The following ESRRG variants were observed in gnomAD, a reference collection of about 807,000 sequenced individuals.
ESRRG encodes the protein estrogen-related receptor gamma.
In ESRRG, 13 loss-of-function variants were observed where a neutral mutation model predicts 44.0. The observed-to-expected ratio is 0.30, with a 90% CI of 0.19 to 0.47. ESRRG has a LOEUF of 0.47. Ranked by LOEUF, ESRRG falls within the 20% of genes least tolerant of loss-of-function variation. ESRRG has a pLI of 1.00. For missense variants in ESRRG, 395 were observed against 580.6 expected (o/e 0.68, Z 3.29); for synonymous variants, 215 against 214.6 (o/e 1.00, Z -0.02).
At chr1:216,585,900 C>T (rs6665792) in intron 3 of ESRRG, among the ~76,000 whole-genome samples, 4,139 of 151,988 alleles carry the variant, frequency 0.027, 194 homozygotes, top group African/African-American at 0.095. Context: ...ATTAGCCAGG[C>T]GTGGTTGTGG....
intron 3 of ESRRG, among the ~76,000 whole-genome samples, chr1:216,615,211 T>C (rs2061254187): frequency 6.6e-6 from 1 of 152,166 alleles, no homozygotes; most frequent in Non-Finnish European, 1.5e-5. Flanking sequence ...CAAAAGACTT[T>C]TGTTGACCAC....
At chr1:216,605,749 T>C (rs980624878) in intron 3 of ESRRG, among the ~76,000 whole-genome samples, 87 of 151,898 alleles carry the variant, frequency 5.7e-4, no homozygotes, top group Admixed American at 5.2e-4. Context: ...TGAGGATCAA[T>C]CATTAGAGGA....
chr1:217,058,058 T>A lies in ESRRG; in HGVS notation c.-106+31449A>T, dbSNP rs72741485. Among the ~76,000 whole-genome samples the A allele has an allele frequency of 5.6e-3, 847 of 152,150 alleles. 4 individuals are homozygous for A. Among genetic ancestry groups the A allele is most frequent in the Non-Finnish European group, 9.4e-3 (642 of 67,980 alleles). On this transcript the variant is annotated intron_variant, in intron 1 of 7. Coordinates refer to the ESRRG transcript ENST00000359162. ...CTAATAACTATAATTCAAGAAAATG[T>A]CCTGAAGTACAAAAAAATTGAAATG...
intron 1 of ESRRG, among the ~76,000 whole-genome samples, chr1:216,992,512 C>T (rs1289531193): frequency 6.6e-6 from 1 of 152,146 alleles, no homozygotes; most frequent in Non-Finnish European, 1.5e-5. Context: ...TAGTGCCTGA[C>T]ATAAAGTAAA....
chr1:216,568,778 C>A (rs946596495), intron 3 of ESRRG, among the ~76,000 whole-genome samples: 1 of 152,102 alleles, frequency 6.6e-6, no homozygotes, highest in Admixed American at 6.5e-5. Flanking sequence ...CCTAGCCGGG[C>A]GCAGTGGCTC....
At chr1:216,539,258 G>T (rs983890787) in intron 5 of ESRRG, among the ~76,000 whole-genome samples, 2 of 151,464 alleles carry the variant, frequency 1.3e-5, no homozygotes, top group African/African-American at 2.4e-5. Flanking sequence ...AAATATATTT[G>T]CTGACAATTT....
At chr1:216,586,309 T>C (rs931726861) in intron 3 of ESRRG, among the ~76,000 whole-genome samples, 1 of 152,134 alleles carries the variant, frequency 6.6e-6, no homozygotes, top group Non-Finnish European at 1.5e-5. Context: ...ACTTCTACAA[T>C]ATTTCAAAAT....
intron 2 of ESRRG, among the ~76,000 whole-genome samples, chr1:216,730,272 T>C (rs980013048): frequency 2.5e-5 from 3 of 117,724 alleles, no homozygotes; most frequent in Admixed American, 1.0e-4. Flanking sequence ...GTAAACCAAA[T>C]GGTCCTCTAC....
chr1:216,790,593 A>T (rs768655086), intron 2 of ESRRG, among the ~76,000 whole-genome samples: 1 of 152,198 alleles, frequency 6.6e-6, no homozygotes, highest in Admixed American at 6.5e-5. Context: ...GGAAAAAATC[A>T]TGGTGTAAGA....
chr1:216,770,149 G>T (rs2093320375), intron 2 of ESRRG, among the ~76,000 whole-genome samples: 2 of 152,022 alleles, frequency 1.3e-5, no homozygotes, highest in Non-Finnish European at 2.9e-5. Context: ...ACCCAATTTG[G>T]CAATAGGAAA....
chr1:216,534,471 CAT>C lies in ESRRG; in HGVS notation c.863-15052_863-15051del, dbSNP rs1407941878. Among the ~76,000 whole-genome samples, 15 of 152,120 alleles carry C rather than the reference CAT, an allele frequency of 9.9e-5. 1 individual carries two copies. The highest frequency in any genetic ancestry group is 5.9e-4 in the Admixed American group (9 of 15,264). On this transcript the variant is annotated intron_variant, in intron 5 of 6. Transcript: ENST00000408911. ...CTCTGAGACAAATTCGATTATAGCT[CAT>C]GAGTATCTCTTTCATGGATATTAAT...
In ESRRG at chr1:216,504,200, A is replaced by G. The variant is rs546876629; in HGVS notation, c.*2739T>C. The stretch of plus-strand genomic sequence containing the variant: ...ACAGTGAAAACAATGTATATATTGT[A>G]TATATTTTATTTATATATAGTGTAG... On this transcript the variant is annotated 3_prime_UTR_variant, in exon 7 of 7. Coordinates refer to ENST00000408911, the MANE Select transcript of ESRRG (RefSeq NM_001438.4). 1.3e-5 allele frequency: 2 copies of G among 152,266 alleles called. No individual in the cohort carries two copies. The highest frequency in any genetic ancestry group is 6.5e-5 in the Admixed American group (1 of 15,292). The allele number at this position is 152,266 out of a possible 1,614,324, so 9.4% of individuals were successfully genotyped here.
At chr1:216,875,951 A>T (rs1386478371) in intron 2 of ESRRG, among the ~76,000 whole-genome samples, 2 of 152,194 alleles carry the variant, frequency 1.3e-5, no homozygotes, top group African/African-American at 4.8e-5. Flanking sequence ...AAATATCATC[A>T]TCTAGAATGG....
intron 1 of ESRRG, among the ~76,000 whole-genome samples, chr1:217,057,848 T>C (rs2087460621): frequency 6.6e-6 from 1 of 152,168 alleles, no homozygotes; most frequent in Admixed American, 6.5e-5. Context: ...CCATCGGCTA[T>C]CATTAGTGTT....
intron 2 of ESRRG, among the ~76,000 whole-genome samples, chr1:216,935,690 C>A (rs2064024012): frequency 6.6e-6 from 1 of 151,432 alleles, no homozygotes; most frequent in Non-Finnish European, 1.5e-5. Flanking sequence ...GATCTTGGGT[C>A]ACTGCAACCT....
intron 2 of ESRRG, among the ~76,000 whole-genome samples, chr1:216,884,547 C>G (rs1012669297): frequency 6.6e-6 from 1 of 152,192 alleles, no homozygotes; most frequent in Admixed American, 6.5e-5. Context: ...AAAGGGAAGG[C>G]TTGTCAGAGG....
intron 1 of ESRRG, among the ~76,000 whole-genome samples, chr1:217,026,912 C>CACACACAG (rs1255637839): frequency 1.1e-5 from 1 of 93,472 alleles, no homozygotes; most frequent in South Asian, 4.1e-4. Context: ...CACACACACA[C>CACACACAG]AGAGAGAGAG....
intron 2 of ESRRG, among the ~76,000 whole-genome samples, chr1:216,808,670 T>G (rs573795851): frequency 6.6e-6 from 1 of 152,212 alleles, no homozygotes; most frequent in African/African-American, 2.4e-5. Flanking sequence ...GCTATCTGCC[T>G]ACCTCAGCCT....
At chr1:217,133,837 C>T (rs779797670) in intron 1 of ESRRG, among the ~76,000 whole-genome samples, 1 of 151,926 alleles carries the variant, frequency 6.6e-6, no homozygotes, top group African/African-American at 2.4e-5. Flanking sequence ...AAGAGCTGAG[C>T]GCATTTACAG....
Sources: allele counts gnomAD v4.1 joint callset (sites outside exome capture counted in the v4.1 genomes callset), GRCh38; gene constraint gnomAD v4.1.1; transcripts MANE v1.5; gene names NCBI Gene and HGNC (gene_info 2026-07-23, HGNC 2026-07-21).